The following BMP6 variants were observed in gnomAD, a reference collection of about 807,000 sequenced individuals.
BMP6 encodes the protein VG-1-R.
BMP6 carries 17 observed loss-of-function variants against 54.1 expected under a neutral mutation model. The observed-to-expected ratio is 0.31, with a 90% CI of 0.22 to 0.47. The LOEUF (loss-of-function observed/expected upper bound fraction) is 0.47, where lower values mean the gene tolerates loss of function less well. Ranked by LOEUF, BMP6 falls within the 20% of genes least tolerant of loss-of-function variation. The pLI, the probability that BMP6 is intolerant of heterozygous loss-of-function variation, is 1.00. For missense variants in BMP6, 720 were observed against 690.4 expected (o/e 1.04, Z -0.48); for synonymous variants, 328 against 291.2 (o/e 1.13, Z -1.28).
chr6:7,783,598 G>A (rs990375158), intron 1 of BMP6, among the ~76,000 whole-genome samples: 6 of 152,366 alleles, frequency 3.9e-5, no homozygotes, highest in Admixed American at 2.6e-4. Flanking sequence ...GCGCAATAAC[G>A]TAAATCCAGT....
At chr6:7,739,499 TACTTAC>T (rs1373739160) in intron 1 of BMP6, among the ~76,000 whole-genome samples, 1 of 152,142 alleles carries the variant, frequency 6.6e-6, no homozygotes, top group Non-Finnish European at 1.5e-5. Context: ...GCAAGGCAAA[TACTTAC>T]ACTTTTACAG....
At chr6:7,780,498 G>A (rs1045399249) in intron 1 of BMP6, among the ~76,000 whole-genome samples, 6 of 151,196 alleles carry the variant, frequency 4.0e-5, no homozygotes, top group Non-Finnish European at 8.8e-5. Flanking sequence ...GTAGTGAGCC[G>A]AGATCGCGCC....
chr6:7,861,711 A>G (rs1336845670), intron 3 of BMP6, 112 bp downstream of exon 3: 2 of 1,448,010 alleles, frequency 1.4e-6, no homozygotes, highest in African/African-American at 1.4e-5. Flanking sequence ...CAGCTTCAGG[A>G]TGGCCTCATT....
At chr6:7,745,557 C>A (rs1244078980) in intron 1 of BMP6, among the ~76,000 whole-genome samples, 1 of 152,212 alleles carries the variant, frequency 6.6e-6, no homozygotes, top group Non-Finnish European at 1.5e-5. Context: ...AGGCGTGAGC[C>A]ACCATGCTCA....
chr6:7,756,911 C>T (rs1187167736), intron 1 of BMP6, among the ~76,000 whole-genome samples: 2 of 152,224 alleles, frequency 1.3e-5, no homozygotes, highest in Admixed American at 6.5e-5. Context: ...CTGCTGCTTT[C>T]CCATAGTTCT....
At chr6:7,879,549 A>T (rs1424821775) in intron 5 of BMP6, among the ~76,000 whole-genome samples, 1 of 152,230 alleles carries the variant, frequency 6.6e-6, no homozygotes, top group Non-Finnish European at 1.5e-5. Flanking sequence ...CAGCTCACCA[A>T]ACGATGCAGA....
intron 2 of BMP6, among the ~76,000 whole-genome samples, chr6:7,848,835 T>C (rs151331893): frequency 6.6e-6 from 1 of 152,348 alleles, no homozygotes; most frequent in African/African-American, 2.4e-5. Context: ...TTTGGTGTTA[T>C]AAATCATTGT....
chr6:7,863,068 G>T lies in BMP6; in HGVS notation c.1204+570G>T, dbSNP rs545389901. Among the ~76,000 whole-genome samples, 52 of 152,166 alleles carry T rather than the reference G, an allele frequency of 3.4e-4. 1 individual carries two copies. The South Asian group carries it at 0.011, about 31-fold the overall frequency. On this transcript the variant is annotated intron_variant, in intron 4 of 6. Coordinates refer to ENST00000283147, the MANE Select transcript of BMP6 (RefSeq NM_001718.6). ...GGCTGGAGTGCAGTGGCACGGTCTC[G>T]GCTCACTGCAAGCTCCGCCTCCTGG...
At chr6:7,808,088 T>A (rs556951686) in intron 1 of BMP6, among the ~76,000 whole-genome samples, 3 of 151,752 alleles carry the variant, frequency 2.0e-5, no homozygotes, top group African/African-American at 7.3e-5. Flanking sequence ...ACCCGGCTAA[T>A]TTTTTGTGTT....
chr6:7,810,288 G>C (rs986977288), intron 1 of BMP6, among the ~76,000 whole-genome samples: 1 of 152,188 alleles, frequency 6.6e-6, no homozygotes, highest in Admixed American at 6.5e-5. Context: ...AAACAGCTAC[G>C]TAGATAGCAT....
intron 2 of BMP6, among the ~76,000 whole-genome samples, chr6:7,856,057 A>C (rs183154210): frequency 1.4e-5 from 2 of 144,918 alleles, no homozygotes; most frequent in East Asian, 4.0e-4. Context: ...TGCATTTGAT[A>C]TTTGAAACGT....
At chr6:7,775,348 A>G (rs187666421) in intron 1 of BMP6, among the ~76,000 whole-genome samples, 11 of 152,302 alleles carry the variant, frequency 7.2e-5, no homozygotes, top group Admixed American at 7.2e-4. Flanking sequence ...TGAATGTTGA[A>G]GGTCACAGAG....
At chr6:7,878,814 A>G (rs938171220) in intron 4 of BMP6, among the ~76,000 whole-genome samples, 1 of 152,218 alleles carries the variant, frequency 6.6e-6, no homozygotes, top group African/African-American at 2.4e-5. Flanking sequence ...CAGGGCTCAC[A>G]ACACACCTCT....
At chr6:7,728,045 T>G (rs192622819) in intron 1 of BMP6, among the ~76,000 whole-genome samples, 378 of 152,134 alleles carry the variant, frequency 2.5e-3, no homozygotes, top group African/African-American at 8.6e-3. Flanking sequence ...CCCTCTAAAC[T>G]GCCGCCTTTT....
At chr6:7,803,334 A>G (rs886306764) in intron 1 of BMP6, among the ~76,000 whole-genome samples, 2 of 152,140 alleles carry the variant, frequency 1.3e-5, no homozygotes, top group Non-Finnish European at 2.9e-5. Flanking sequence ...GGTCCAACTC[A>G]AATCCACTGA....
At chr6:7,875,549 G>A (rs1292357793) in intron 4 of BMP6, among the ~76,000 whole-genome samples, 1 of 152,084 alleles carries the variant, frequency 6.6e-6, no homozygotes, top group Non-Finnish European at 1.5e-5. Flanking sequence ...CGTTCTTGTA[G>A]TCCCAGCTGC....
intron 2 of BMP6, among the ~76,000 whole-genome samples, chr6:7,858,555 A>G (rs1759284059): frequency 6.6e-6 from 1 of 151,946 alleles, no homozygotes; most frequent in Admixed American, 6.6e-5. Context: ...TCTACTTTTT[A>G]GATATGTGAC....
At chr6:7,834,488 C>T (rs1167828089) in intron 1 of BMP6, among the ~76,000 whole-genome samples, 1 of 150,586 alleles carries the variant, frequency 6.6e-6, no homozygotes, top group Non-Finnish European at 1.5e-5. Flanking sequence ...TTGAAAATGA[C>T]AGCACAAACC....
At chr6:7,797,198 C>T (rs184813939) in intron 1 of BMP6, among the ~76,000 whole-genome samples, 2 of 152,224 alleles carry the variant, frequency 1.3e-5, no homozygotes, top group East Asian at 3.9e-4. Flanking sequence ...GGAGATGACA[C>T]GCTGGAAATT....
Sources: allele counts gnomAD v4.1 joint callset (sites outside exome capture counted in the v4.1 genomes callset), GRCh38; gene constraint gnomAD v4.1.1; transcripts MANE v1.5; gene names NCBI Gene and HGNC (gene_info 2026-07-23, HGNC 2026-07-21).